Variants in ABCC4 observed in about 807,000 individuals in gnomAD.
ABCC4 encodes the protein ATP-binding cassette sub-family C member 4.
A neutral mutation model predicts 168.5 loss-of-function variants in ABCC4; 102 were observed. The observed-to-expected ratio is 0.61, with a 90% CI of 0.52 to 0.71. The LOEUF (loss-of-function observed/expected upper bound fraction) is 0.71. ABCC4 is among the 30% of genes least tolerant of loss of function. ABCC4 has a pLI of 0.00. For missense variants in ABCC4, 1,402 were observed against 1,605.8 expected, an observed-to-expected ratio of 0.87 and a Z score of 2.17; for synonymous variants, 617 against 590.7, an observed-to-expected ratio of 1.04 and a Z score of -0.65.
At chr13:95,046,459 G>A (rs2032584054) in intron 27 of ABCC4, among the ~76,000 whole-genome samples, 1 of 152,104 alleles carries the variant, frequency 6.6e-6, no homozygotes, top group South Asian at 2.1e-4. Flanking sequence ...ATCGGGGATG[G>A]TTATGAGAAT....
In ABCC4 at chr13:95,196,638, A is replaced by G. The variant is rs868433867; in HGVS notation, c.1162-1701T>C. Among the ~76,000 whole-genome samples, 37 of 10,604 alleles carry G rather than the reference A, an allele frequency of 3.5e-3. 1 individual carries two copies. The highest frequency in any genetic ancestry group is 0.033 in the Middle Eastern group (1 of 30). 7.0% of individuals were successfully genotyped at this position (10,604 alleles called of 152,430 possible). A position where few individuals can be genotyped will look rare whatever the true frequency, so the allele number is the denominator to read the frequency against. ...GAAGGAAGGAAGGAAGGAAGGAAGG[A>G]AGGAAGGAAGGAAGGAAGGAAGGAA... On this transcript the variant is annotated intron_variant, in intron 8 of 30. Coordinates refer to ENST00000645237, the MANE Select transcript of ABCC4 (RefSeq NM_005845.5).
rs370434734 is a variant in ABCC4, at chr13:95,144,270, T to C, written c.2455+16919A>G. Among the ~76,000 whole-genome samples, 7 of 152,084 alleles carry C rather than the reference T, an allele frequency of 4.6e-5. No homozygotes were observed. The East Asian group carries it at 5.8e-4, about 13-fold the overall frequency. On this transcript the variant is annotated intron_variant, in intron 19 of 30. Transcript: ENST00000645237. Reference sequence around the variant, plus strand: ...ATGATGATAACATAAAATATTATACTATATAGGAATGGGCGACATAACTTT... The same window carrying C: ...ATGATGATAACATAAAATATTATACCATATAGGAATGGGCGACATAACTTT...
At chr13:95,223,791 T>C (rs1195128770) in intron 4 of ABCC4, among the ~76,000 whole-genome samples, 1 of 152,184 alleles carries the variant, frequency 6.6e-6, no homozygotes, top group Non-Finnish European at 1.5e-5. Context: ...CCACCGTGCC[T>C]GGCCAGTGTA....
intron 8 of ABCC4, among the ~76,000 whole-genome samples, chr13:95,204,227 A>C (rs915709796): frequency 1.3e-5 from 2 of 152,202 alleles, no homozygotes; most frequent in African/African-American, 2.4e-5. Flanking sequence ...ATAGGACTCC[A>C]CAAGAAACAG....
At chr13:95,037,102 A>AAAAAAC (rs1555303254) in intron 29 of ABCC4, among the ~76,000 whole-genome samples, 1 of 147,828 alleles carries the variant, frequency 6.8e-6, no homozygotes, top group Non-Finnish European at 1.5e-5. Flanking sequence ...AAAAAAAAAA[A>AAAAAAC]CCCCAAAATC....
chr13:95,075,705 T>G (rs1594054852), intron 21 of ABCC4, 154 bp from the exon 22 acceptor site: 1 of 919,790 alleles, frequency 1.1e-6, no homozygotes, highest in Non-Finnish European at 1.6e-6. Flanking sequence ...CCCAATAGCC[T>G]GAGGGGACCC....
At chr13:95,196,952 G>A (rs2038474154) in intron 8 of ABCC4, among the ~76,000 whole-genome samples, 1 of 152,084 alleles carries the variant, frequency 6.6e-6, no homozygotes, top group African/African-American at 2.4e-5. Context: ...CCATGACCCA[G>A]CAGCACTGAC....
Position 95,166,380 on chromosome 13 carries a change from TAAAG to T in ABCC4, c.1825-17_1825-14del, listed in dbSNP as rs751243064. 6.2e-7 allele frequency: 1 copy of T among 1,603,446 alleles called. No individual in the cohort carries two copies. The stretch of plus-strand genomic sequence containing the variant: ...GCACCATTTTACCCTAAAATAAAAA[TAAAG>T]AATTTCAGAGAGATACATGTGCAGG... On this transcript the variant is annotated splice_polypyrimidine_tract_variant and intron_variant, in intron 14 of 30. Coordinates refer to ENST00000645237, the MANE Select transcript of ABCC4 (RefSeq NM_005845.5).
At chr13:95,267,350 G>A (rs369173062) in intron 1 of ABCC4, among the ~76,000 whole-genome samples, 20 of 152,316 alleles carry the variant, frequency 1.3e-4, no homozygotes, top group East Asian at 3.9e-4. Context: ...CCCTACACAA[G>A]TTCTCTTGTC....
intron 1 of ABCC4, among the ~76,000 whole-genome samples, chr13:95,286,970 A>G (rs2041273452): frequency 6.7e-6 from 1 of 149,328 alleles, no homozygotes; most frequent in African/African-American, 2.5e-5. Context: ...AAAAAAAAAA[A>G]AAGAAAAGAA....
chr13:95,170,826 T>G (rs2037444970), intron 13 of ABCC4, among the ~76,000 whole-genome samples, 198 bp from the exon 14 acceptor site: 1 of 152,138 alleles, frequency 6.6e-6, no homozygotes, highest in African/African-American at 2.4e-5. Flanking sequence ...AGCCTTGCTG[T>G]GGTGAAATCC....
chr13:95,177,644 T>C, intron 13 of ABCC4, 63 bp downstream of exon 13: 3 of 1,433,992 alleles, frequency 2.1e-6, no homozygotes, highest in African/African-American at 1.4e-5. Context: ...ATAAAGGCTT[T>C]CCTGAGCCAA....
intron 3 of ABCC4, among the ~76,000 whole-genome samples, chr13:95,239,164 CAAA>C (rs67156942): frequency 0.027 from 4,037 of 148,074 alleles, 188 homozygotes; most frequent in African/African-American, 0.091. Context: ...ATGTAAACTG[CAAA>C]AAAAAAAAAA....
chr13:95,163,156 C>T lies in ABCC4; in HGVS notation c.2274G>A (p.Lys758=), dbSNP rs1421163554. Residue 758 remains lysine (K), a synonymous_variant, in exon 18 of 31, where the codon AAG becomes AAA. Coordinates refer to ENST00000645237, the MANE Select transcript of ABCC4 (RefSeq NM_005845.5). ...TTCCTAAGTACCAGTTAAGATCTAG[C>T]TTCTCGGTTACATTTCCTCCTCCAT... The part of the protein sequence containing the change: ...TVNGGGNVTE[K]LDLNWYLGIY... 1.2e-6 allele frequency: 2 copies of T among 1,613,354 alleles called. No homozygotes were observed. The highest frequency in any genetic ancestry group is 1.7e-6 in the Non-Finnish European group (2 of 1,179,528).
At chr13:95,079,163 A>G (rs924143421) in intron 21 of ABCC4, among the ~76,000 whole-genome samples, 1 of 152,212 alleles carries the variant, frequency 6.6e-6, no homozygotes, top group African/African-American at 2.4e-5. Context: ...ACAACTAACT[A>G]GTACCGAGGG....
At position 95,218,976 on chromosome 13, in the gene ABCC4, AG is replaced by A. The variant is rs1566539811; in HGVS notation, c.532-8196del. Among the ~76,000 whole-genome samples the A allele has an allele frequency of 9.4e-4, 39 of 41,484 alleles. 3 individuals are homozygous for A. The highest frequency in any genetic ancestry group is 3.9e-3 in the African/African-American group (35 of 9,090). The allele number at this position is 41,484 out of a possible 152,430, so 27.2% of individuals were successfully genotyped here. A position where few individuals can be genotyped will look rare whatever the true frequency, so the allele number is the denominator to read the frequency against. On this transcript the variant is annotated intron_variant, in intron 4 of 30. Transcript: ENST00000645237. ...AAGAAAGAAAGAAAGAAAGAAAGAA[AG>A]AAAGAAAGAGTGAGAAAGAAAGAAA...
chr13:95,116,343 T>G (rs1351127367), intron 19 of ABCC4, among the ~76,000 whole-genome samples: 7 of 152,166 alleles, frequency 4.6e-5, no homozygotes, highest in Non-Finnish European at 1.0e-4. Flanking sequence ...AAGTGCAAAG[T>G]AGGTAGATGA....
rs1455146931 is a variant in ABCC4, at chr13:95,196,631, AG to A, written c.1162-1695del. Among the ~76,000 whole-genome samples the A allele has an allele frequency of 4.3e-3, 35 of 8,224 alleles. 2 individuals are homozygous for A. Among genetic ancestry groups the A allele is most frequent in the Middle Eastern group, 0.045 (1 of 22 alleles). The allele number at this position is 8,224 out of a possible 152,430, so 5.4% of individuals were successfully genotyped here. A position where few individuals can be genotyped will look rare whatever the true frequency, so the allele number is the denominator to read the frequency against. ...AAGGAAGGAAGGAAGGAAGGAAGGA[AG>A]GAAGGAAGGAAGGAAGGAAGGAAGG... On this transcript the variant is annotated intron_variant, in intron 8 of 30. Transcript: ENST00000645237.
intron 19 of ABCC4, among the ~76,000 whole-genome samples, chr13:95,134,646 A>G (rs979310793): frequency 1.1e-4 from 16 of 152,140 alleles, no homozygotes; most frequent in Admixed American, 2.6e-4. Flanking sequence ...CTTGAACCCA[A>G]GAGGCGGAGG....
Sources: gnomAD v4.1 joint callset for allele counts (sites outside exome capture counted in the v4.1 genomes callset) on GRCh38, gnomAD v4.1.1 for gene constraint, MANE v1.5 for transcripts, NCBI Gene and HGNC (gene_info 2026-07-23, HGNC 2026-07-21) for gene names.